The following HTR2C variants were observed in gnomAD, a reference collection of about 807,000 sequenced individuals.
The protein encoded by HTR2C is 5-hydroxytryptamine (serotonin) receptor 2C, G protein-coupled.
In HTR2C, 5 loss-of-function variants were observed where a neutral mutation model predicts 21.0. That is an observed-to-expected ratio of 0.24 (90% CI 0.12 to 0.50). HTR2C has a LOEUF of 0.50. Among genes scored for constraint, HTR2C ranks in the 20% least tolerant of loss-of-function variants. The pLI is 0.98. For synonymous variants in HTR2C, 150 were observed against 145.3 expected (o/e 1.03, Z -0.23); for missense variants, 271 against 371.2 (o/e 0.73, Z 2.22).
chrX:114,585,631 G>A (rs1303632720), intron 1 of HTR2C, among the ~76,000 whole-genome samples: 1 of 111,369 alleles, frequency 9.0e-6, no homozygotes, highest in East Asian at 2.8e-4. Context: ...CTGTTGGGTA[G>A]TATGCGACTT....
intron 2 of HTR2C, chrX:114,639,421 T>G: frequency 8.8e-6 from 1 of 113,357 alleles, no homozygotes; most frequent in East Asian, 2.8e-4. Flanking sequence ...GTTCGGGTGA[T>G]ATTTTCAATC....
intron 4 of HTR2C, among the ~76,000 whole-genome samples, chrX:114,792,334 C>T (rs375146855): frequency 9.0e-6 from 1 of 110,810 alleles, no homozygotes; most frequent in African/African-American, 3.3e-5. Flanking sequence ...CATGTGTTCT[C>T]GTTGTTCAGC....
intron 4 of HTR2C, among the ~76,000 whole-genome samples, chrX:114,781,192 A>G (rs1556440509): frequency 9.0e-6 from 1 of 111,445 alleles, no homozygotes; most frequent in African/African-American, 3.3e-5. Context: ...GAGGTTAAGA[A>G]ATATGTAACA....
chrX:114,770,278 C>T (rs2069986995), intron 4 of HTR2C, among the ~76,000 whole-genome samples: 1 of 111,614 alleles, frequency 9.0e-6, no homozygotes, highest in African/African-American at 3.3e-5. Context: ...AAATTTCAGC[C>T]ATTGTTTTTT....
intron 3 of HTR2C, among the ~76,000 whole-genome samples, chrX:114,730,408 A>G (rs2069524287): frequency 8.9e-6 from 1 of 111,945 alleles, no homozygotes; most frequent in Admixed American, 9.5e-5. Flanking sequence ...ATCCATAGGC[A>G]TTAATCATCA....
At chrX:114,703,404 A>T (rs1428049505) in intron 2 of HTR2C, among the ~76,000 whole-genome samples, 2 of 111,229 alleles carry the variant, frequency 1.8e-5, no homozygotes, top group Non-Finnish European at 1.9e-5. Flanking sequence ...GGATTAAGAA[A>T]CTCACTCAAA....
intron 2 of HTR2C, among the ~76,000 whole-genome samples, chrX:114,725,856 G>A (rs1393420414): frequency 9.1e-6 from 1 of 109,858 alleles, no homozygotes; most frequent in Non-Finnish European, 1.9e-5. Context: ...CCCACTTGAG[G>A]AGGCAGTCTG....
At chrX:114,827,045 A>T (rs1437861417) in intron 4 of HTR2C, among the ~76,000 whole-genome samples, 4 of 110,414 alleles carry the variant, frequency 3.6e-5, no homozygotes, top group Non-Finnish European at 7.6e-5. Context: ...TCTGAATTAA[A>T]ATATACCTGT....
chrX:114,775,268 C>T (rs112215228), intron 4 of HTR2C: 10 of 520,573 alleles, frequency 1.9e-5, no homozygotes, highest in African/African-American at 6.9e-5. Context: ...TGGTAGTAAT[C>T]GTGTTCTCTT....
At chrX:114,673,870 CTTCTAT>C (rs1161611648) in intron 2 of HTR2C, among the ~76,000 whole-genome samples, 1 of 111,698 alleles carries the variant, frequency 9.0e-6, no homozygotes, top group Non-Finnish European at 1.9e-5. Flanking sequence ...CAAAATTCTA[CTTCTAT>C]AACTAAAATC....
intron 5 of HTR2C, among the ~76,000 whole-genome samples, chrX:114,863,457 A>G (rs2071021662): frequency 9.0e-6 from 1 of 111,264 alleles, no homozygotes; most frequent in Non-Finnish European, 1.9e-5. Context: ...TATTCCTCCT[A>G]ATATTGATTT....
chrX:114,621,575 G>A lies in HTR2C; in HGVS notation c.-80+7694G>A, dbSNP rs1364199071. Among the ~76,000 whole-genome samples, 6 of 111,905 alleles carry A rather than the reference G, an allele frequency of 5.4e-5. 1 individual carries two copies. The highest frequency in any genetic ancestry group is 1.9e-4 in the Admixed American group (2 of 10,478). ...CCACCCTGCTATGGTATAAGATGCC[G>A]ATCGATAACTGTTGTAGAGGCTGGA... On this transcript the variant is annotated intron_variant, in intron 2 of 5. Coordinates refer to ENST00000276198, the MANE Select transcript of HTR2C (RefSeq NM_000868.4).
intron 4 of HTR2C, among the ~76,000 whole-genome samples, chrX:114,787,003 AAC>A (rs2070181688): frequency 1.8e-5 from 2 of 111,712 alleles, no homozygotes; most frequent in African/African-American, 6.5e-5. Context: ...TGTGGCACAA[AAC>A]ACAGGCGACT....
intron 4 of HTR2C, among the ~76,000 whole-genome samples, chrX:114,740,984 C>T (rs187870956): frequency 3.2e-3 from 358 of 111,334 alleles, no homozygotes; most frequent in Non-Finnish European, 5.5e-3. Flanking sequence ...ATAATGAACT[C>T]TACATCATTG....
chrX:114,812,151 G>A (rs1413222873), intron 4 of HTR2C, among the ~76,000 whole-genome samples: 2 of 107,885 alleles, frequency 1.9e-5, no homozygotes, highest in African/African-American at 6.8e-5. Flanking sequence ...CTGTGTCCAT[G>A]TAATCTTATT....
intron 5 of HTR2C, among the ~76,000 whole-genome samples, chrX:114,861,787 G>A (rs1389474420): frequency 9.0e-6 from 1 of 111,581 alleles, no homozygotes; most frequent in Non-Finnish European, 1.9e-5. Context: ...CTTCCACAGA[G>A]AAGTGTCTAT....
chrX:114,823,409 A>T (rs1256854745), intron 4 of HTR2C: 5 of 339,600 alleles, frequency 1.5e-5, no homozygotes, highest in Non-Finnish European at 2.9e-5. Flanking sequence ...CAAGCCTTTC[A>T]GCAGAAACTG....
At chrX:114,858,824 C>G (rs1429251250) in intron 5 of HTR2C, among the ~76,000 whole-genome samples, 1 of 109,894 alleles carries the variant, frequency 9.1e-6, no homozygotes, top group African/African-American at 3.3e-5. Flanking sequence ...TGTAAAATGT[C>G]TTTCATCAAA....
chrX:114,677,645 A>T (rs906997271), intron 2 of HTR2C, among the ~76,000 whole-genome samples: 3 of 111,770 alleles, frequency 2.7e-5, no homozygotes, highest in Non-Finnish European at 5.6e-5. Flanking sequence ...TTTCAAAATT[A>T]AAAAGCTCAG....
Sources: allele counts gnomAD v4.1 joint callset (sites outside exome capture counted in the v4.1 genomes callset), GRCh38; gene constraint gnomAD v4.1.1; transcripts MANE v1.5; gene names NCBI Gene and HGNC (gene_info 2026-07-23, HGNC 2026-07-21).